SFMBT1: variants seen among roughly 807,000 people sequenced by gnomAD.
SFMBT1 encodes Scm like with four mbt domains 1.
SFMBT1 carries 32 observed loss-of-function variants against 108.7 expected under a neutral mutation model. That is an observed-to-expected ratio of 0.29 (90% CI 0.22 to 0.40). The LOEUF (loss-of-function observed/expected upper bound fraction) is 0.40. Among genes scored for constraint, SFMBT1 ranks in the 10% least tolerant of loss-of-function variants. The pLI, the probability that SFMBT1 is intolerant of heterozygous loss-of-function variation, is 1.00. For synonymous variants in SFMBT1, 348 were observed against 369.5 expected (o/e 0.94, Z 0.67); for missense variants, 816 against 1,059.6 (o/e 0.77, Z 3.19).
intron 2 of SFMBT1, among the ~76,000 whole-genome samples, chr3:52,962,846 A>G (rs1456965400): frequency 6.7e-6 from 1 of 149,952 alleles, no homozygotes; most frequent in African/African-American, 2.5e-5. Context: ...TGTGAGTATG[A>G]GGATATATGT....
At chr3:52,982,585 C>T (rs1168645303) in intron 1 of SFMBT1, among the ~76,000 whole-genome samples, 2 of 151,682 alleles carry the variant, frequency 1.3e-5, no homozygotes, top group African/African-American at 4.8e-5. Flanking sequence ...AAAAATTAGC[C>T]GGACATGGTG....
intron 10 of SFMBT1, 86 bp downstream of exon 10, chr3:52,925,945 T>C: frequency 8.1e-7 from 1 of 1,236,680 alleles, no homozygotes; most frequent in South Asian, 1.4e-5. Flanking sequence ...GATGATTATC[T>C]TCAGAGCAAT....
intron 1 of SFMBT1, among the ~76,000 whole-genome samples, chr3:52,983,498 T>C (rs1458750467): frequency 1.9e-4 from 29 of 152,018 alleles, no homozygotes; most frequent in Admixed American, 1.9e-3. Flanking sequence ...TGTTCAAGGG[T>C]CAACTATAAT....
chr3:53,024,590 C>A (rs1226102297), intron 1 of SFMBT1, among the ~76,000 whole-genome samples: 6 of 152,160 alleles, frequency 3.9e-5, no homozygotes, highest in African/African-American at 9.7e-5. Context: ...CTGCAAGGGG[C>A]AAAGGGAGAA....
chr3:53,009,203 T>C (rs1286560114), intron 1 of SFMBT1, among the ~76,000 whole-genome samples: 2 of 151,798 alleles, frequency 1.3e-5, no homozygotes, highest in Admixed American at 6.6e-5. Flanking sequence ...TCCCGGCACT[T>C]TGGGAGGCTG....
At chr3:52,925,083 T>G (rs1702620974) in intron 10 of SFMBT1, among the ~76,000 whole-genome samples, 1 of 151,970 alleles carries the variant, frequency 6.6e-6, no homozygotes, top group African/African-American at 2.4e-5. Flanking sequence ...TAGGCGAGTG[T>G]GCTGGTGGGC....
At position 52,911,114 on chromosome 3, in the gene SFMBT1, A is replaced by G; in HGVS notation, c.1795T>C (p.Phe599Leu). The G allele has an allele frequency of 6.2e-7, 1 of 1,614,164 alleles. No individual in the cohort carries two copies. Among genetic ancestry groups the G allele is most frequent in the Non-Finnish European group, 8.5e-7 (1 of 1,180,018 alleles). Residue 599 changes from phenylalanine (F) to leucine (L), a missense_variant, in exon 17 of 21, where the codon TTC becomes CTC. Coordinates refer to ENST00000394752, the MANE Select transcript of SFMBT1 (RefSeq NM_016329.4). The part of the protein sequence containing the change: ...IVKTADRVTE[F>L]CRQTCIKLEC... ...AGTTTGATACAGGTTTGCCGGCAGA[A>G]TTCAGTCACCCGATCTGCTGTTTTC...
chr3:52,916,190 G>A lies in SFMBT1; in HGVS notation c.1440C>T (p.His480=), dbSNP rs151052292. The change falls in exon 14 of 21, where the codon CAC becomes CAT. Residue 480 remains histidine (H), a synonymous_variant. Coordinates refer to ENST00000394752, the MANE Select transcript of SFMBT1 (RefSeq NM_016329.4). ...EKQVPSSRTV[H]EGLRNQELNS... ...TCAGCTCCTGATTCCTCAGGCCCTC[G>A]TGGACAGTCCTCGAGGATGGTACTC... 5.1e-4 allele frequency: 818 copies of A among 1,613,882 alleles called. 4 individuals are homozygous for A. Among genetic ancestry groups the A allele is most frequent in the East Asian group, 1.9e-3 (86 of 44,866 alleles).
chr3:52,916,114 A>C (rs1185794728), intron 14 of SFMBT1, 36 bp downstream of exon 14: 1 of 1,558,408 alleles, frequency 6.4e-7, no homozygotes, highest in Non-Finnish European at 8.8e-7. Flanking sequence ...AAAAGAAACT[A>C]AGTCTTCTTT....
At chr3:52,928,772 C>T (rs994359267) in intron 8 of SFMBT1, among the ~76,000 whole-genome samples, 10 of 151,200 alleles carry the variant, frequency 6.6e-5, no homozygotes, top group African/African-American at 1.9e-4. Context: ...TTTGGCTCAC[C>T]GAAGCACTGC....
At chr3:52,989,435 AAAAG>A (rs60383345) in intron 1 of SFMBT1, among the ~76,000 whole-genome samples, 33,540 of 136,498 alleles carry the variant, frequency 0.25, 4,376 homozygotes, top group East Asian at 0.44. Flanking sequence ...AAAAAAAAAA[AAAAG>A]AAAGAAAGAA....
intron 20 of SFMBT1, 99 bp from the exon 21 acceptor site, chr3:52,905,375 C>T: frequency 8.0e-7 from 1 of 1,246,406 alleles, no homozygotes; most frequent in Non-Finnish European, 1.1e-6. Flanking sequence ...AAACTGGAAT[C>T]CCTATGCTTT....
At chr3:53,002,740 C>G (rs1427169111) in intron 1 of SFMBT1, among the ~76,000 whole-genome samples, 1 of 150,428 alleles carries the variant, frequency 6.6e-6, no homozygotes, top group African/African-American at 2.4e-5. Context: ...AAACTTGAAG[C>G]AGGAATTTTC....
chr3:52,974,157 CA>C (rs891628322), intron 1 of SFMBT1, among the ~76,000 whole-genome samples: 3 of 152,100 alleles, frequency 2.0e-5, no homozygotes, highest in African/African-American at 7.2e-5. Context: ...GCTGGAAAAA[CA>C]AAACAAAACA....
At chr3:52,930,492 T>G in intron 7 of SFMBT1, 62 bp from the exon 8 acceptor site, 1 of 933,080 alleles carries the variant, frequency 1.1e-6, no homozygotes, top group Non-Finnish European at 1.8e-6. Context: ...TACACTCACA[T>G]GTAGCTGTGA....
At position 53,019,705 on chromosome 3, in the gene SFMBT1, C is replaced by T. The variant is rs541995705; in HGVS notation, c.-131+26111G>A. On this transcript the variant is annotated intron_variant, in intron 1 of 20. Coordinates refer to ENST00000394752, the MANE Select transcript of SFMBT1 (RefSeq NM_016329.4). ...CTGTCATCATCCTAGTCCATGCCAC[C>T]TAGACTATTGCAGCGACCTCCAAAC... Among the ~76,000 whole-genome samples the T allele has an allele frequency of 7.2e-5, 11 of 152,292 alleles. No homozygotes were observed. In the South Asian group the frequency reaches 2.3e-3, roughly 32 times the overall value.
At chr3:53,036,412 C>A (rs531719089) in intron 1 of SFMBT1, among the ~76,000 whole-genome samples, 3 of 152,360 alleles carry the variant, frequency 2.0e-5, no homozygotes, top group East Asian at 3.9e-4. Flanking sequence ...CGTTCTAACT[C>A]CAAGGCTGGC....
chr3:53,020,321 C>T (rs1020516781), intron 1 of SFMBT1, among the ~76,000 whole-genome samples: 6 of 151,820 alleles, frequency 4.0e-5, no homozygotes, highest in Non-Finnish European at 7.4e-5. Flanking sequence ...ACCTGGGAGG[C>T]GGAGGTTGCA....
intron 1 of SFMBT1, among the ~76,000 whole-genome samples, chr3:52,983,584 C>T (rs1304347659): frequency 6.6e-6 from 1 of 152,170 alleles, no homozygotes; most frequent in African/African-American, 2.4e-5. Flanking sequence ...CTACTTTTAA[C>T]AGAGTGATCA....
Sources: gnomAD v4.1 joint callset for allele counts (sites outside exome capture counted in the v4.1 genomes callset) on GRCh38, gnomAD v4.1.1 for gene constraint, MANE v1.5 for transcripts, NCBI Gene and HGNC (gene_info 2026-07-23, HGNC 2026-07-21) for gene names.